The following CDHR1 variants were observed in gnomAD, a reference collection of about 807,000 sequenced individuals.
The protein encoded by CDHR1 is cadherin-related family member 1.
CDHR1 carries 61 observed loss-of-function variants against 72.1 expected under a neutral mutation model. The observed-to-expected ratio is 0.85, with a 90% CI of 0.69 to 1.05. The LOEUF (loss-of-function observed/expected upper bound fraction) is 1.05. Ranked by LOEUF, CDHR1 falls within the 50% of genes least tolerant of loss-of-function variation. The probability of loss-of-function intolerance (pLI) is 0.00; values close to 1 mark genes in which losing one functional copy is unlikely to be tolerated. For synonymous variants in CDHR1, 470 were observed against 448.1 expected, an observed-to-expected ratio of 1.05 and a Z score of -0.62; for missense variants, 1,186 against 1,115.7, an observed-to-expected ratio of 1.06 and a Z score of -0.90.
Position 84,217,655 on chromosome 10 carries a change from C to T in CDHR1, c.*3034C>T. 1.0e-6 allele frequency: 1 copy of T among 985,516 alleles called. No homozygotes were observed. The highest frequency in any genetic ancestry group is 1.2e-6 in the Non-Finnish European group (1 of 829,982). 61.0% of individuals were successfully genotyped at this position (985,516 alleles called of 1,614,324 possible). ...AGACACTTGCCGTGACTGTGGCCCA[C>T]ATACTAGAACACCATGTCCTGAAAG... On this transcript the variant is annotated 3_prime_UTR_variant, in exon 17 of 17. Coordinates refer to ENST00000623527, the MANE Select transcript of CDHR1 (RefSeq NM_033100.4).
chr10:84,213,150 A>C lies in CDHR1; in HGVS notation c.1842A>C (p.Ala614=). ...TGGTGGACTATTCCATCACCCATGC[A>C]GAGCCCGCCAACGTGTTCGACATCA... The part of the protein sequence containing the change: ...NNLVDYSITH[A]EPANVFDINS... The change falls in exon 16 of 17, where the codon GCA becomes GCC. Residue 614 remains alanine (A), a synonymous_variant. Transcript: ENST00000623527. 1 of 1,614,234 alleles carries C rather than the reference A, an allele frequency of 6.2e-7. No homozygotes were observed. The highest frequency in any genetic ancestry group is 8.5e-7 in the Non-Finnish European group (1 of 1,180,040).
intron 3 of CDHR1, among the ~76,000 whole-genome samples, chr10:84,197,180 C>A (rs528215223): frequency 6.6e-6 from 1 of 152,068 alleles, no homozygotes; most frequent in Non-Finnish European, 1.5e-5. Context: ...GCTGCCAGCT[C>A]GTGACAGCCT....
At position 84,194,616 on chromosome 10, in the gene CDHR1, C is replaced by CG; in HGVS notation, c.-145_-144insG. 1 of 552,674 alleles carries CG rather than the reference C, an allele frequency of 1.8e-6. No individual in the cohort carries two copies. The allele number at this position is 552,674 out of a possible 1,614,324, so 34.2% of individuals were successfully genotyped here. A position where few individuals can be genotyped will look rare whatever the true frequency, so the allele number is the denominator to read the frequency against. ...CTTAGCGCCCTCACGCCACCCGCCGCTCCCGCCCCGTGCCCCCTCCCGCCG... is the reference window on the plus strand; with the variant it reads ...CTTAGCGCCCTCACGCCACCCGCCGCGTCCCGCCCCGTGCCCCCTCCCGCCG... On this transcript the variant is annotated 5_prime_UTR_variant, in exon 1 of 17. Coordinates refer to ENST00000623527, the MANE Select transcript of CDHR1 (RefSeq NM_033100.4).
rs977522244 is a variant in CDHR1 at position 84,216,301 on chromosome 10, T to A, written c.*1680T>A. 6 of 985,408 alleles carry A rather than the reference T, an allele frequency of 6.1e-6. No individual in the cohort carries two copies. Among genetic ancestry groups the A allele is most frequent in the East Asian group, 2.3e-4 (2 of 8,834 alleles). The allele number at this position is 985,408 out of a possible 1,614,324, so 61.0% of individuals were successfully genotyped here. On this transcript the variant is annotated 3_prime_UTR_variant, in exon 17 of 17. Coordinates refer to ENST00000623527, the MANE Select transcript of CDHR1 (RefSeq NM_033100.4). The stretch of plus-strand genomic sequence containing the variant: ...TACTGAGATGTGCCAGTGTGCAGAA[T>A]CCTTGCTGGGGTTTCTACAGTCCCC...
intron 4 of CDHR1, 94 bp downstream of exon 4, chr10:84,197,930 G>C: frequency 8.1e-7 from 1 of 1,231,196 alleles, no homozygotes; most frequent in South Asian, 1.2e-5. Flanking sequence ...CCTTCATGGG[G>C]GCTTTTCTGC....
chr10:84,213,870 G>A (rs1418927874), intron 16 of CDHR1, among the ~76,000 whole-genome samples: 1 of 152,174 alleles, frequency 6.6e-6, no homozygotes, highest in Admixed American at 6.5e-5. Context: ...ACCATGCTGG[G>A]TCTGCGTGCA....
In CDHR1 at chr10:84,208,294, A is replaced by G; in HGVS notation, c.1084A>G (p.Arg362Gly). 1 of 1,614,092 alleles carries G rather than the reference A, an allele frequency of 6.2e-7. No individual in the cohort carries two copies. Among genetic ancestry groups the G allele is most frequent in the Non-Finnish European group, 8.5e-7 (1 of 1,179,996 alleles). ...TFYGESGPQN[R>G]FELSMNEHPP... is the part of the protein sequence containing the mutation. ...CTATGGAGAGAGCGGACCCCAAAAC[A>G]GGTTTGAGCTGTCCATGAATGAGCA... The change falls in exon 11 of 17, where the codon AGG becomes GGG. Residue 362 changes from arginine to glycine, a missense_variant. Arg to Gly is a moderately radical substitution (Grantham distance 125). Coordinates refer to ENST00000623527, the MANE Select transcript of CDHR1 (RefSeq NM_033100.4).
intron 3 of CDHR1, among the ~76,000 whole-genome samples, chr10:84,196,935 T>C (rs1385229626): frequency 1.3e-5 from 2 of 152,124 alleles, no homozygotes; most frequent in African/African-American, 4.8e-5. Flanking sequence ...AATAAATCCG[T>C]TTGCACTTTG....
intron 6 of CDHR1, 49 bp downstream of exon 6, chr10:84,200,736 A>T: frequency 7.3e-7 from 1 of 1,360,942 alleles, no homozygotes; most frequent in Non-Finnish European, 1.0e-6. Flanking sequence ...CGGAGGGGAC[A>T]CCTAGATGGC....
Position 84,208,763 on chromosome 10 carries a change from G to T in CDHR1, c.1202G>T (p.Gly401Val), listed in dbSNP as rs1185537367. 6.2e-7 allele frequency: 1 copy of T among 1,614,150 alleles called. No individual in the cohort carries two copies. Among genetic ancestry groups the T allele is most frequent in the Non-Finnish European group, 8.5e-7 (1 of 1,180,004 alleles). The stretch of plus-strand genomic sequence containing the variant: ...GCCAAATTCAACTTGCAGCTGGTGG[G>T]ACCCAGGGGCATCTTCCGAGTGGTT... The part of the protein sequence containing the change: ...ANAKFNLQLV[G>V]PRGIFRVVPQ... The change falls in exon 12 of 17, where the codon GGA (glycine) becomes GTA (valine). Residue 401 changes from glycine to valine, a missense_variant. Physicochemically the swap from Gly to Val is moderately radical, Grantham distance 109 (BLOSUM62 -3). Coordinates refer to ENST00000623527, the MANE Select transcript of CDHR1 (RefSeq NM_033100.4).
intron 8 of CDHR1, among the ~76,000 whole-genome samples, 194 bp downstream of exon 8, chr10:84,203,317 C>A (rs1391365284): frequency 2.0e-5 from 3 of 152,212 alleles, no homozygotes; most frequent in Non-Finnish European, 4.4e-5. Context: ...ATGAGCTCCC[C>A]ATGGGCAGAG....
Position 84,196,491 on chromosome 10 carries a change from G to C in CDHR1, c.152-14G>C. 1 of 1,614,132 alleles carries C rather than the reference G, an allele frequency of 6.2e-7. No homozygotes were observed. The highest frequency in any genetic ancestry group is 8.5e-7 in the Non-Finnish European group (1 of 1,180,000). ...GTCTCAGATTCTATGTCTCTCCACT[G>C]TGTTTCCTTCCAGGCTCTCACGTAT... On this transcript the variant is annotated splice_polypyrimidine_tract_variant and intron_variant, in intron 2 of 16. Transcript: ENST00000623527.
rs1447128876 is a variant in CDHR1, at chr10:84,216,425, G to T, written c.*1804G>T. The T allele has an allele frequency of 1.0e-6, 1 of 985,388 alleles. No individual in the cohort carries two copies. Among genetic ancestry groups the T allele is most frequent in the Non-Finnish European group, 1.2e-6 (1 of 829,964 alleles). 61.0% of individuals were successfully genotyped at this position (985,388 alleles called of 1,614,324 possible). On this transcript the variant is annotated 3_prime_UTR_variant, in exon 17 of 17. Transcript: ENST00000623527. ...AGCCTGTGTTTCAGGAGAGGACTGT[G>T]CTGGATCATGCTTGCCCTCCACAGG...
chr10:84,213,707 C>G (rs1400965509), intron 16 of CDHR1, among the ~76,000 whole-genome samples: 1 of 152,102 alleles, frequency 6.6e-6, no homozygotes, highest in Admixed American at 6.5e-5. Context: ...TACATCTGGG[C>G]AGATGGACCC....
chr10:84,213,717 C>G (rs1372650379), intron 16 of CDHR1, among the ~76,000 whole-genome samples: 1 of 152,018 alleles, frequency 6.6e-6, no homozygotes, highest in Non-Finnish European at 1.5e-5. Flanking sequence ...CAGATGGACC[C>G]CCTCCCCCAC....
At position 84,213,153 on chromosome 10, in the gene CDHR1, G is replaced by A; in HGVS notation, c.1845G>A (p.Glu615=). The A allele has an allele frequency of 6.2e-7, 1 of 1,614,208 alleles. No homozygotes were observed. Among genetic ancestry groups the A allele is most frequent in the Non-Finnish European group, 8.5e-7 (1 of 1,180,046 alleles). Residue 615 remains glutamate, a synonymous_variant, in exon 16 of 17, where the codon GAG becomes GAA. Coordinates refer to ENST00000623527, the MANE Select transcript of CDHR1 (RefSeq NM_033100.4). ...TGGACTATTCCATCACCCATGCAGA[G>A]CCCGCCAACGTGTTCGACATCAATT... ...NLVDYSITHA[E]PANVFDINSH... is the part of the protein sequence containing the mutation.
At chr10:84,207,757 C>A (rs1842253048) in intron 10 of CDHR1, among the ~76,000 whole-genome samples, 1 of 152,164 alleles carries the variant, frequency 6.6e-6, no homozygotes, top group Non-Finnish European at 1.5e-5. Flanking sequence ...CACATGGTTG[C>A]AATCAGATTG....
At chr10:84,209,129 T>C (rs1842283890) in intron 12 of CDHR1, among the ~76,000 whole-genome samples, 1 of 152,200 alleles carries the variant, frequency 6.6e-6, no homozygotes, top group Admixed American at 6.5e-5. Flanking sequence ...AAACTACCAA[T>C]ATAATTTGCC....
rs765857703 is a variant in CDHR1 at position 84,218,268 on chromosome 10, G to T, written c.*3647G>T. ...AAGGGCCTAGTTTCCAGAATGAGGC[G>T]GTCATGGCTTAAGCGACCATCATTT... On this transcript the variant is annotated 3_prime_UTR_variant, in exon 17 of 17. Coordinates refer to ENST00000623527, the MANE Select transcript of CDHR1 (RefSeq NM_033100.4). 6.1e-6 allele frequency: 6 copies of T among 985,312 alleles called. No homozygotes were observed. The highest frequency in any genetic ancestry group is 1.7e-5 in the African/African-American group (1 of 57,228). 61.0% of individuals were successfully genotyped at this position (985,312 alleles called of 1,614,324 possible). A position where few individuals can be genotyped will look rare whatever the true frequency, so the allele number is the denominator to read the frequency against.
Sources: allele counts gnomAD v4.1 joint callset (sites outside exome capture counted in the v4.1 genomes callset), GRCh38; gene constraint gnomAD v4.1.1; transcripts MANE v1.5; gene names NCBI Gene and HGNC (gene_info 2026-07-23, HGNC 2026-07-21).